SDK1: variants seen among roughly 807,000 people sequenced by gnomAD.
SDK1 encodes the protein protein sidekick-1.
SDK1 carries 157 observed loss-of-function variants against 245.5 expected under a neutral mutation model. The observed-to-expected ratio is 0.64, with a 90% CI of 0.56 to 0.73. The LOEUF is 0.73. Ranked by LOEUF, SDK1 falls within the 30% of genes least tolerant of loss-of-function variation. The pLI is 0.00. For missense variants in SDK1, 3,583 were observed against 3,002.3 expected (o/e 1.19, Z -4.52); for synonymous variants, 1,647 against 1,278.5 (o/e 1.29, Z -6.15).
intron 22 of SDK1, among the ~76,000 whole-genome samples, chr7:4,081,658 T>C (rs1202537632): frequency 6.6e-6 from 1 of 152,098 alleles, no homozygotes; most frequent in Non-Finnish European, 1.5e-5. Context: ...GACCTCGTGA[T>C]CCGCCTGCCT....
At chr7:3,667,780 GTTC>G (rs1783579402) in intron 4 of SDK1, among the ~76,000 whole-genome samples, 2 of 152,112 alleles carry the variant, frequency 1.3e-5, no homozygotes, top group South Asian at 4.1e-4. Flanking sequence ...TCAGTACTTT[GTTC>G]TTCTTTATTC....
rs531756428 is a variant in SDK1, at chr7:3,724,590, C to T, written c.713+82485C>T. ...CTGTACTAGGTCGACTATTAACAGACTAAAAATGTTTGAAAGCGCATATGC... is the reference window on the plus strand; with the variant it reads ...CTGTACTAGGTCGACTATTAACAGATTAAAAATGTTTGAAAGCGCATATGC... On this transcript the variant is annotated intron_variant, in intron 4 of 44. Transcript: ENST00000404826. 1.5e-4 allele frequency among the ~76,000 whole-genome samples: 23 copies of T among 152,232 alleles called. No individual in the cohort carries two copies. The South Asian group carries it at 4.4e-3, about 29-fold the overall frequency.
chr7:3,321,841 C>CCT (rs1779822693), intron 1 of SDK1, among the ~76,000 whole-genome samples: 2 of 139,320 alleles, frequency 1.4e-5, no homozygotes, highest in African/African-American at 5.6e-5. Flanking sequence ...CCTTTTCTCT[C>CCT]TCTCTCTCTC....
At chr7:3,904,681 G>A (rs965073404) in intron 5 of SDK1, among the ~76,000 whole-genome samples, 2 of 151,826 alleles carry the variant, frequency 1.3e-5, no homozygotes, top group Admixed American at 1.3e-4. Context: ...GAGACAGAGT[G>A]AAACCATGTA....
At chr7:3,689,122 G>A (rs1410302922) in intron 4 of SDK1, among the ~76,000 whole-genome samples, 1 of 152,166 alleles carries the variant, frequency 6.6e-6, no homozygotes, top group African/African-American at 2.4e-5. Context: ...TGACAGGGAT[G>A]GACCATATGG....
In SDK1 at chr7:3,532,810, C is replaced by T. The variant is rs146222341; in HGVS notation, c.299-86270C>T. Among the ~76,000 whole-genome samples, 320 of 152,296 alleles carry T rather than the reference C, an allele frequency of 2.1e-3. 1 individual carries two copies. The highest frequency in any genetic ancestry group is 7.4e-3 in the African/African-American group (308 of 41,558). On this transcript the variant is annotated intron_variant, in intron 1 of 44. Transcript: ENST00000404826. ...AGTTTACAGCCTATGCAGCCTCTAGCATCTTACCTCCTCTGCGTTCTTGTC... is the reference window on the plus strand; with the variant it reads ...AGTTTACAGCCTATGCAGCCTCTAGTATCTTACCTCCTCTGCGTTCTTGTC...
chr7:3,401,826 C>G (rs1382557263), intron 1 of SDK1, among the ~76,000 whole-genome samples: 1 of 152,052 alleles, frequency 6.6e-6, no homozygotes, highest in African/African-American at 2.4e-5. Flanking sequence ...AAAATGAGCA[C>G]AAATGGCATT....
intron 5 of SDK1, among the ~76,000 whole-genome samples, chr7:3,884,241 C>T (rs1308569365): frequency 3.3e-5 from 5 of 152,184 alleles, no homozygotes; most frequent in Middle Eastern, 3.4e-3. Flanking sequence ...CCACTGCACC[C>T]GGCCGCCTTT....
intron 5 of SDK1, among the ~76,000 whole-genome samples, chr7:3,922,803 G>A (rs903364599): frequency 6.6e-5 from 10 of 152,288 alleles, no homozygotes; most frequent in African/African-American, 2.2e-4. Flanking sequence ...CTTTTTCCAA[G>A]TCGGGGAAGT....
chr7:3,933,382 GGA>G (rs1780048651), intron 5 of SDK1, among the ~76,000 whole-genome samples: 4 of 152,126 alleles, frequency 2.6e-5, no homozygotes, highest in Non-Finnish European at 5.9e-5. Flanking sequence ...CATAATGCTG[GGA>G]TTACAGGTGT....
At chr7:3,372,188 GGA>G (rs1297130239) in intron 1 of SDK1, among the ~76,000 whole-genome samples, 1 of 151,934 alleles carries the variant, frequency 6.6e-6, no homozygotes, top group East Asian at 1.9e-4. Flanking sequence ...GACTTTGAAG[GGA>G]GAGAGTCTGG....
chr7:3,847,427 C>G (rs1057058432), intron 5 of SDK1, among the ~76,000 whole-genome samples: 1 of 152,162 alleles, frequency 6.6e-6, no homozygotes, highest in South Asian at 2.1e-4. Flanking sequence ...TTTACCGAGG[C>G]CTTTAACAAG....
chr7:3,822,859 C>T (rs975162602), intron 5 of SDK1, among the ~76,000 whole-genome samples: 2 of 151,978 alleles, frequency 1.3e-5, no homozygotes, highest in Non-Finnish European at 2.9e-5. Context: ...GCCTTAGGCC[C>T]AGTAGAATTG....
chr7:4,099,013 G>C (rs1782360321), intron 22 of SDK1, among the ~76,000 whole-genome samples: 2 of 151,796 alleles, frequency 1.3e-5, no homozygotes, highest in Admixed American at 6.6e-5. Flanking sequence ...AGAGTCGTGA[G>C]AATTGTTGTA....
At chr7:3,587,594 G>T (rs1225088862) in intron 1 of SDK1, among the ~76,000 whole-genome samples, 1 of 152,174 alleles carries the variant, frequency 6.6e-6, no homozygotes, top group Non-Finnish European at 1.5e-5. Context: ...CGCTTTTTCA[G>T]CCCCCAATGG....
At chr7:4,074,918 T>TATA (rs1562770987) in intron 20 of SDK1, among the ~76,000 whole-genome samples, 336 of 60,654 alleles carry the variant, frequency 5.5e-3, no homozygotes, top group South Asian at 0.011. Flanking sequence ...ATATATATAT[T>TATA]TTTTTTTTTT....
chr7:4,121,995 C>T (rs1259109739), intron 25 of SDK1, among the ~76,000 whole-genome samples: 1 of 152,108 alleles, frequency 6.6e-6, no homozygotes, highest in Non-Finnish European at 1.5e-5. Flanking sequence ...AGATTCTGGA[C>T]ATGTTGAATG....
chr7:4,214,995 C>A (rs1160480062), intron 38 of SDK1, among the ~76,000 whole-genome samples: 1 of 152,212 alleles, frequency 6.6e-6, no homozygotes, highest in Non-Finnish European at 1.5e-5. Context: ...CCAGTGCCAC[C>A]CAGGTGGACC....
chr7:3,418,156 A>AAAAAAAAAAAAAAAAAAAAAAAAG (rs1229328614), intron 1 of SDK1, among the ~76,000 whole-genome samples: 1 of 66,208 alleles, frequency 1.5e-5, no homozygotes, highest in African/African-American at 3.5e-5. Flanking sequence ...AAAAAAAAAA[A>AAAAAAAAAAAAAAAAAAAAAAAAG]AAAAAAAAAA....
Sources: allele counts gnomAD v4.1 joint callset (sites outside exome capture counted in the v4.1 genomes callset), GRCh38; gene constraint gnomAD v4.1.1; transcripts MANE v1.5; gene names NCBI Gene and HGNC (gene_info 2026-07-23, HGNC 2026-07-21).